Variants in LRP1B observed in about 807,000 individuals in gnomAD.
The protein encoded by LRP1B is low-density lipoprotein receptor-related protein 1B.
Under a neutral mutation model 556.6 loss-of-function variants are expected in LRP1B, and 217 were observed. The ratio of observed to expected loss-of-function variants is 0.39; its 90% CI spans 0.35 to 0.44. The LOEUF is 0.44. LRP1B is among the 20% of genes least tolerant of loss of function. LRP1B has a pLI of 1.00. For missense variants in LRP1B, 5,053 were observed against 5,620.8 expected (o/e 0.90, Z 3.23); for synonymous variants, 2,047 against 1,865.8 (o/e 1.10, Z -2.50).
At chr2:140,293,668 A>G (rs963457273) in intron 84 of LRP1B, among the ~76,000 whole-genome samples, 9 of 152,086 alleles carry the variant, frequency 5.9e-5, no homozygotes, top group African/African-American at 1.9e-4. Flanking sequence ...GGTCCACTGA[A>G]CCTTGTCGGC....
intron 23 of LRP1B, chr2:140,898,372 T>C (rs1408912574): frequency 6.3e-6 from 1 of 159,656 alleles, no homozygotes; most frequent in East Asian, 1.9e-4. Flanking sequence ...CTTCCCCTGC[T>C]GAACCATCTG....
chr2:141,745,911 A>G (rs1446528250), intron 2 of LRP1B, among the ~76,000 whole-genome samples: 1 of 151,858 alleles, frequency 6.6e-6, no homozygotes, highest in Non-Finnish European at 1.5e-5. Flanking sequence ...GTATTCCGCA[A>G]GGACTGGGTC....
In LRP1B at chr2:140,316,894, C is replaced by T. The variant is rs552778434; in HGVS notation, c.12641-1795G>A. Among the ~76,000 whole-genome samples, 9 of 152,202 alleles carry T rather than the reference C, an allele frequency of 5.9e-5. No homozygotes were observed. In the East Asian group the frequency reaches 1.7e-3, roughly 30 times the overall value. ...AAAGATGAAGCGCTGACAGTTGGGT[C>T]TCCAAAGTGTACTGTAAAATTTCAA... On this transcript the variant is annotated intron_variant, in intron 82 of 90. Transcript: ENST00000389484.
intron 31 of LRP1B, among the ~76,000 whole-genome samples, chr2:140,824,169 T>A (rs1465897459): frequency 6.6e-6 from 1 of 151,978 alleles, no homozygotes; most frequent in Non-Finnish European, 1.5e-5. Flanking sequence ...AATTCTTTAG[T>A]ATTTTCTCTT....
intron 2 of LRP1B, among the ~76,000 whole-genome samples, chr2:141,784,807 A>T (rs1695376009): frequency 6.6e-6 from 1 of 152,008 alleles, no homozygotes; most frequent in African/African-American, 2.4e-5. Flanking sequence ...ATGGTCTCTT[A>T]TACCACTTTT....
chr2:141,616,237 G>A (rs748465785), intron 2 of LRP1B, among the ~76,000 whole-genome samples: 9 of 150,156 alleles, frequency 6.0e-5, no homozygotes, highest in Admixed American at 1.3e-4. Context: ...AGCTGAGATT[G>A]CACCACTGCA....
rs376513891 is a variant in LRP1B at position 140,776,142 on chromosome 2, G to A, written c.5456C>T (p.Ser1819Phe). Residue 1819 changes from serine to phenylalanine, a missense_variant, in exon 33 of 91, where the codon TCT becomes TTT. Transcript: ENST00000389484. ...RNPTILRNKT[S>F]GVVHMKVYDK... ...ATAGACTTTCATATGAACTACCCCA[G>A]AAGTCTTATTCCGTAGGATGGTGGG... 58 of 1,578,238 alleles carry A rather than the reference G, an allele frequency of 3.7e-5. No homozygotes were observed. The highest frequency in any genetic ancestry group is 1.7e-4 in the Middle Eastern group (1 of 5,992).
intron 41 of LRP1B, among the ~76,000 whole-genome samples, chr2:140,608,249 T>C (rs1169219344): frequency 6.6e-6 from 1 of 152,152 alleles, no homozygotes; most frequent in Non-Finnish European, 1.5e-5. Context: ...TAGTTGTATA[T>C]ATACAAAAAT....
rs186023187 is a variant in LRP1B, at chr2:142,117,518, G to A, written c.82+13130C>T. ...TTCTACTGATATCGGCAACTCAGGG[G>A]TTGCATAGTAAACCACAGGCTGTTA... On this transcript the variant is annotated intron_variant, in intron 1 of 90. Coordinates refer to ENST00000389484, the MANE Select transcript of LRP1B (RefSeq NM_018557.3). 2.6e-5 allele frequency among the ~76,000 whole-genome samples: 4 copies of A among 152,146 alleles called. No homozygotes were observed. The East Asian group carries it at 7.8e-4, about 30-fold the overall frequency.
chr2:140,328,979 A>T (rs991967736), intron 79 of LRP1B, among the ~76,000 whole-genome samples: 7 of 152,144 alleles, frequency 4.6e-5, no homozygotes, highest in African/African-American at 1.4e-4. Flanking sequence ...GTCCAGGACC[A>T]GTATGTAGTT....
At chr2:140,817,570 G>T (rs1280345941) in intron 31 of LRP1B, among the ~76,000 whole-genome samples, 1 of 151,642 alleles carries the variant, frequency 6.6e-6, no homozygotes, top group Admixed American at 6.6e-5. Context: ...TCTCATAATA[G>T]AAATATTCTA....
chr2:141,124,664 G>GA (rs570765407), intron 7 of LRP1B, among the ~76,000 whole-genome samples: 13,496 of 73,508 alleles, frequency 0.18, 799 homozygotes, highest in East Asian at 0.31. Context: ...AGTGACAAAT[G>GA]AAAAAAAAAA....
chr2:141,807,318 A>T (rs775658245), intron 2 of LRP1B, among the ~76,000 whole-genome samples: 37 of 152,082 alleles, frequency 2.4e-4, no homozygotes, highest in Non-Finnish European at 4.1e-4. Flanking sequence ...GATGGAAACC[A>T]TTTATAGGGA....
intron 1 of LRP1B, among the ~76,000 whole-genome samples, chr2:141,966,477 T>C (rs1469734004): frequency 6.6e-6 from 1 of 151,908 alleles, no homozygotes; most frequent in East Asian, 1.9e-4. Flanking sequence ...TTCCACTTGC[T>C]GAGGTCAAGC....
At chr2:140,986,848 GA>G (rs1696941383) in intron 17 of LRP1B, among the ~76,000 whole-genome samples, 2 of 152,064 alleles carry the variant, frequency 1.3e-5, no homozygotes, top group Admixed American at 1.3e-4. Flanking sequence ...AGAAATTTTA[GA>G]AAAAATAGGA....
chr2:141,276,883 C>G (rs763611693), intron 3 of LRP1B, among the ~76,000 whole-genome samples: 10 of 152,108 alleles, frequency 6.6e-5, no homozygotes, highest in Non-Finnish European at 1.3e-4. Context: ...GTCTTGATCT[C>G]CTGACCTCGT....
At position 140,760,457 on chromosome 2, in the gene LRP1B, A is replaced by G. The variant is rs1301242446; in HGVS notation, c.5758+8756T>C. Among the ~76,000 whole-genome samples, 3 of 152,328 alleles carry G rather than the reference A, an allele frequency of 2.0e-5. No individual in the cohort carries two copies. The East Asian group carries it at 5.8e-4, about 29-fold the overall frequency. On this transcript the variant is annotated intron_variant, in intron 35 of 90. Coordinates refer to ENST00000389484, the MANE Select transcript of LRP1B (RefSeq NM_018557.3). ...CCCACTTGATAAACAATCGTAGATC[A>G]ACTAAGTCAAATTATCAGTACTAGG...
intron 3 of LRP1B, among the ~76,000 whole-genome samples, chr2:141,309,014 C>G (rs1686707963): frequency 6.6e-6 from 1 of 151,882 alleles, no homozygotes; most frequent in African/African-American, 2.4e-5. Flanking sequence ...AAATATAAAT[C>G]CAGGTAATCC....
At chr2:141,982,892 C>T (rs1046793341) in intron 1 of LRP1B, among the ~76,000 whole-genome samples, 1 of 152,108 alleles carries the variant, frequency 6.6e-6, no homozygotes, top group Non-Finnish European at 1.5e-5. Flanking sequence ...TTATGCTAAA[C>T]AAGCTTTACA....
Sources: gnomAD v4.1 joint callset for allele counts (sites outside exome capture counted in the v4.1 genomes callset) on GRCh38, gnomAD v4.1.1 for gene constraint, MANE v1.5 for transcripts, NCBI Gene and HGNC (gene_info 2026-07-23, HGNC 2026-07-21) for gene names.